KYNU: variants seen among roughly 807,000 people sequenced by gnomAD.
The protein encoded by KYNU is L-kynurenine hydrolase.
A neutral mutation model predicts 59.2 loss-of-function variants in KYNU; 54 were observed. That is an observed-to-expected ratio of 0.91 (90% CI 0.73 to 1.14). KYNU has a LOEUF of 1.14. Ranked by LOEUF, KYNU falls within the 50% of genes most tolerant of loss-of-function variation. The probability of loss-of-function intolerance (pLI) is 0.00; values close to 1 mark genes in which losing one functional copy is unlikely to be tolerated. For missense variants in KYNU, 567 were observed against 554.4 expected (o/e 1.02, Z -0.23); for synonymous variants, 177 against 192.0 (o/e 0.92, Z 0.65).
intron 8 of KYNU, among the ~76,000 whole-genome samples, chr2:142,980,461 C>G (rs2105147026): frequency 6.6e-6 from 1 of 152,202 alleles, no homozygotes; most frequent in South Asian, 2.1e-4. Flanking sequence ...TTATTTTACC[C>G]AGGCCCTACT....
chr2:142,935,684 T>TA (rs1180781188), intron 4 of KYNU, among the ~76,000 whole-genome samples: 1 of 152,086 alleles, frequency 6.6e-6, no homozygotes, highest in African/African-American at 2.4e-5. Flanking sequence ...TGAACTCTAG[T>TA]AATACCTTCA....
At chr2:142,922,290 C>G (rs1270718336) in intron 3 of KYNU, among the ~76,000 whole-genome samples, 1 of 152,168 alleles carries the variant, frequency 6.6e-6, no homozygotes, top group East Asian at 1.9e-4. Flanking sequence ...CACTTGAGTT[C>G]AGGAGTTTGA....
chr2:142,986,072 TTAA>T, intron 10 of KYNU, 51 bp downstream of exon 10: 1 of 1,236,260 alleles, frequency 8.1e-7, no homozygotes, highest in East Asian at 2.3e-5. Context: ...TTAATTTGCA[TTAA>T]TAATATGTTA....
At chr2:142,981,072 T>G (rs1685038078) in intron 8 of KYNU, among the ~76,000 whole-genome samples, 2 of 152,160 alleles carry the variant, frequency 1.3e-5, no homozygotes, top group African/African-American at 2.4e-5. Flanking sequence ...TTTTAATAAT[T>G]TATATTGTCT....
chr2:142,980,909 A>G (rs1373223095), intron 8 of KYNU, among the ~76,000 whole-genome samples: 1 of 152,188 alleles, frequency 6.6e-6, no homozygotes, highest in Non-Finnish European at 1.5e-5. Context: ...AGGCAAAACA[A>G]TGAAAATAAC....
At chr2:142,921,861 T>C (rs1682896521) in intron 3 of KYNU, among the ~76,000 whole-genome samples, 1 of 151,564 alleles carries the variant, frequency 6.6e-6, no homozygotes, top group African/African-American at 2.4e-5. Context: ...TACATACATG[T>C]AGTCTTCATG....
chr2:142,957,096 G>A (rs1684190220), intron 6 of KYNU, among the ~76,000 whole-genome samples: 1 of 152,040 alleles, frequency 6.6e-6, no homozygotes, highest in Admixed American at 6.6e-5. Context: ...TCTAGCCCTT[G>A]TAATTTTAGG....
chr2:142,928,818 G>A (rs1683119865), intron 4 of KYNU, among the ~76,000 whole-genome samples: 1 of 151,642 alleles, frequency 6.6e-6, no homozygotes, highest in Non-Finnish European at 1.5e-5. Context: ...GACCAGCCTG[G>A]CCAACATGGT....
intron 4 of KYNU, among the ~76,000 whole-genome samples, chr2:142,938,742 G>A (rs1210806645): frequency 2.6e-5 from 4 of 152,010 alleles, no homozygotes; most frequent in Non-Finnish European, 4.4e-5. Context: ...TCCATGTTGT[G>A]TGGAAAATTT....
rs1256331249 is a variant in KYNU, at chr2:142,885,502, C to G, written c.135C>G (p.Cys45Trp). Residue 45 changes from cysteine (C) to tryptophan (W), a missense_variant, in exon 2 of 14, where the codon TGC becomes TGG. By Grantham distance (215) the Cys-to-Trp change is radical. Transcript: ENST00000264170. ...EEDKLRHFRE[C>W]FYIPKIQDLP... The stretch of plus-strand genomic sequence containing the variant: ...ATAAGCTGAGGCACTTCAGGGAGTG[C>G]TTTTATATTCCCAAAATACAGGATC... 12 of 1,613,750 alleles carry G rather than the reference C, an allele frequency of 7.4e-6. No homozygotes were observed. The highest frequency in any genetic ancestry group is 1.0e-5 in the Non-Finnish European group (12 of 1,179,966).
chr2:143,049,223 A>G lies in KYNU; in HGVS notation c.*7051A>G, dbSNP rs1396871800. 2 of 152,138 alleles carry G rather than the reference A, an allele frequency of 1.3e-5. No homozygotes were observed. Among genetic ancestry groups the G allele is most frequent in the South Asian group, 2.1e-4 (1 of 4,836 alleles). The allele number at this position is 152,138 out of a possible 1,614,324, so 9.4% of individuals were successfully genotyped here. A position where few individuals can be genotyped will look rare whatever the true frequency, so the allele number is the denominator to read the frequency against. ...GCTGCATTCTTAAGAATTCTAAAACATATATTTTAGTTTCTAAAAGTTTCA... is the reference window on the plus strand; with the variant it reads ...GCTGCATTCTTAAGAATTCTAAAACGTATATTTTAGTTTCTAAAAGTTTCA... On this transcript the variant is annotated 3_prime_UTR_variant, in exon 14 of 14. Transcript: ENST00000264170.
chr2:142,973,140 T>TGGCAAATTG (rs1684781894), intron 8 of KYNU, among the ~76,000 whole-genome samples: 1 of 151,220 alleles, frequency 6.6e-6, no homozygotes, highest in Non-Finnish European at 1.5e-5. Context: ...AATCATATAA[T>TGGCAAATTG]GGCAAATTGG....
chr2:143,033,151 C>A, intron 11 of KYNU, 85 bp from the exon 12 acceptor site: 1 of 923,100 alleles, frequency 1.1e-6, no homozygotes, highest in Non-Finnish European at 1.8e-6. Flanking sequence ...TTAAGTCTTG[C>A]TCTTTTACTC....
intron 2 of KYNU, among the ~76,000 whole-genome samples, chr2:142,918,238 T>C (rs1682735202): frequency 6.6e-6 from 1 of 152,202 alleles, no homozygotes; most frequent in Admixed American, 6.5e-5. Context: ...AGTACTTGAC[T>C]AAATTCTGGT....
intron 8 of KYNU, among the ~76,000 whole-genome samples, chr2:142,962,165 T>C (rs778629858): frequency 6.6e-6 from 1 of 152,214 alleles, no homozygotes; most frequent in Non-Finnish European, 1.5e-5. Context: ...AGTCCCTGCT[T>C]CCTTAGTATA....
intron 10 of KYNU, among the ~76,000 whole-genome samples, chr2:143,000,485 A>G (rs2105184758): frequency 6.6e-6 from 1 of 152,350 alleles, no homozygotes; most frequent in Admixed American, 6.5e-5. Context: ...TAAATTTAAC[A>G]TTTTATTTGT....
chr2:142,992,920 CCAAG>C (rs1685443675), intron 10 of KYNU, among the ~76,000 whole-genome samples: 1 of 151,910 alleles, frequency 6.6e-6, no homozygotes, highest in South Asian at 2.1e-4. Context: ...CACAGGCAAC[CCAAG>C]CTTAGAATAT....
chr2:143,021,500 T>G lies in KYNU; in HGVS notation c.903-8127T>G, dbSNP rs1198220059. Among the ~76,000 whole-genome samples the G allele has an allele frequency of 2.0e-5, 3 of 152,306 alleles. No homozygotes were observed. The South Asian group carries it at 6.2e-4, about 32-fold the overall frequency. On this transcript the variant is annotated intron_variant, in intron 10 of 13. Coordinates refer to ENST00000264170, the MANE Select transcript of KYNU (RefSeq NM_003937.3). ...TCAATTGGCTCGTGGTTCTGCAGGT[T>G]GTACAGGAAGCATGGTGCTGGAATC...
At position 142,977,372 on chromosome 2, in the gene KYNU, G is replaced by GAGATATATATATATATATATATAT. The variant is rs1553484697; in HGVS notation, c.730-7711_730-7710insGATATATATATATATATATATATA. ...AGCTTCCTGGATGGAATTTTGTGTG[G>GAGATATATATATATATATATATAT]ATATATATATATATGAATAATCATA... is the stretch of plus-strand genomic sequence containing the variant. On this transcript the variant is annotated intron_variant, in intron 8 of 13. Transcript: ENST00000264170. 8.8e-4 allele frequency among the ~76,000 whole-genome samples: 115 copies of GAGATATATATATATATATATATAT among 131,202 alleles called. 1 individual carries two copies. Among genetic ancestry groups the GAGATATATATATATATATATATAT allele is most frequent in the African/African-American group, 3.2e-3 (110 of 34,608 alleles). 86.1% of individuals were successfully genotyped at this position (131,202 alleles called of 152,430 possible).
Sources: allele counts gnomAD v4.1 joint callset (sites outside exome capture counted in the v4.1 genomes callset), GRCh38; gene constraint gnomAD v4.1.1; transcripts MANE v1.5; gene names NCBI Gene and HGNC (gene_info 2026-07-23, HGNC 2026-07-21).